The following RSPH14 variants were observed in gnomAD, a reference collection of about 807,000 sequenced individuals.
The protein encoded by RSPH14 is rhabdoid tumor deletion region gene 1.
A neutral mutation model predicts 26.7 loss-of-function variants in RSPH14; 20 were observed. The observed-to-expected ratio is 0.75, with a 90% CI of 0.53 to 1.09. The LOEUF (loss-of-function observed/expected upper bound fraction) is 1.09, where lower values mean the gene tolerates loss of function less well. RSPH14 is among the 50% of genes least tolerant of loss of function. The pLI is 0.00. For missense variants in RSPH14, 449 were observed against 457.2 expected (o/e 0.98, Z 0.16); for synonymous variants, 177 against 189.3 (o/e 0.93, Z 0.53).
rs370693635 is a variant in RSPH14 at position 23,080,115 on chromosome 22, ACTT to A, written c.422-15985_422-15983del. On this transcript the variant is annotated intron_variant, in intron 4 of 6. Coordinates refer to ENST00000216036, the MANE Select transcript of RSPH14 (RefSeq NM_014433.3). ...TGATTTGGCTCTTAATGAAGGCCCC[ACTT>A]CTTCTCTGCTGTCATGGCCACCCTC... Among the ~76,000 whole-genome samples the A allele has an allele frequency of 3.1e-3, 467 of 152,260 alleles. 3 individuals carry two copies. Among genetic ancestry groups the A allele is most frequent in the African/African-American group, 0.011 (441 of 41,544 alleles).
chr22:23,129,742 A>G (rs1001442834), intron 4 of RSPH14, among the ~76,000 whole-genome samples: 6 of 151,866 alleles, frequency 4.0e-5, no homozygotes, highest in African/African-American at 1.2e-4. Flanking sequence ...CAACATAGTG[A>G]AACCCCGTCT....
chr22:23,078,855 G>A (rs535253150), intron 4 of RSPH14, among the ~76,000 whole-genome samples: 14 of 152,326 alleles, frequency 9.2e-5, no homozygotes, highest in South Asian at 4.1e-4. Flanking sequence ...CCTGGCTCCC[G>A]GGCCTGAGGG....
the RSPH14 span, among the ~76,000 whole-genome samples, chr22:23,174,051 T>A: frequency 1.3e-5 from 2 of 151,768 alleles, no homozygotes; most frequent in Non-Finnish European, 2.9e-5. Flanking sequence ...ATGCTTTCCA[T>A]CCCCAGGGCT....
chr22:23,174,649 C>T, the RSPH14 span, among the ~76,000 whole-genome samples: 1 of 149,870 alleles, frequency 6.7e-6, no homozygotes, highest in African/African-American at 2.5e-5. Context: ...GTTTATGACA[C>T]TTCAATTATA....
intron 4 of RSPH14, among the ~76,000 whole-genome samples, chr22:23,066,148 G>T (rs1046081022): frequency 6.6e-6 from 1 of 152,180 alleles, no homozygotes; most frequent in African/African-American, 2.4e-5. Flanking sequence ...AAAGTTCTGG[G>T]ATGGGGACAC....
the RSPH14 span, chr22:23,159,129 G>A: frequency 1.4e-5 from 23 of 1,605,830 alleles, no homozygotes; most frequent in South Asian, 2.2e-5. Context: ...CAGGAGAGCC[G>A]GGACGCTGGG....
chr22:23,131,746 C>T (rs943050292), intron 4 of RSPH14: 20 of 710,626 alleles, frequency 2.8e-5, no homozygotes, highest in South Asian at 1.0e-4. Flanking sequence ...CACCCTAATA[C>T]CCCAGGGGCT....
At chr22:23,129,205 A>C (rs1286501008) in intron 4 of RSPH14, among the ~76,000 whole-genome samples, 2 of 152,106 alleles carry the variant, frequency 1.3e-5, no homozygotes, top group African/African-American at 4.8e-5. Context: ...GTACCCCCAG[A>C]ACAGATCTCC....
At chr22:23,089,171 G>A (rs1236172981) in intron 4 of RSPH14, among the ~76,000 whole-genome samples, 1 of 152,210 alleles carries the variant, frequency 6.6e-6, no homozygotes, top group African/African-American at 2.4e-5. Flanking sequence ...GCACAGTGAT[G>A]AGGGAGCTGG....
At chr22:23,083,124 A>G (rs546877951) in intron 4 of RSPH14, among the ~76,000 whole-genome samples, 2 of 152,294 alleles carry the variant, frequency 1.3e-5, no homozygotes, top group East Asian at 1.9e-4. Context: ...ACTGGAAACC[A>G]TACCAAAGGA....
chr22:23,080,654 G>A (rs1023079142), intron 4 of RSPH14, among the ~76,000 whole-genome samples: 28 of 152,346 alleles, frequency 1.8e-4, no homozygotes, highest in African/African-American at 6.3e-4. Flanking sequence ...CTGGGCCCTG[G>A]TTACTGTGGA....
At chr22:23,144,016 C>A (rs1046240346), upstream of RSPH14, among the ~76,000 whole-genome samples, 11 of 144,740 alleles carry the variant, frequency 7.6e-5, no homozygotes, top group African/African-American at 2.8e-4. Context: ...ATCGCTTGAG[C>A]CGGGAGGCGG....
rs191338653 is a variant in RSPH14 at position 23,061,860 on chromosome 22, C to G, written c.739G>C (p.Val247Leu). 6.2e-7 allele frequency: 1 copy of G among 1,614,168 alleles called. No homozygotes were observed. The highest frequency in any genetic ancestry group is 1.7e-5 in the Admixed American group (1 of 60,032). The change falls in exon 6 of 7, where the codon GTG (valine) becomes CTG (leucine). Residue 247 changes from valine (V) to leucine (L), a missense_variant. Val to Leu is a conservative substitution (Grantham distance 32). Transcript: ENST00000216036. Reference protein sequence around the residue: ...VHLLKDPVEHVKSNAAGALMF... With the variant: ...VHLLKDPVEHLKSNAAGALMF... Reference sequence around the variant, plus strand: ...AGGGCACCGGCAGCGTTAGACTTCACATGCTCCACTGGGTCTTTCAGCAGA... The same window carrying G: ...AGGGCACCGGCAGCGTTAGACTTCAGATGCTCCACTGGGTCTTTCAGCAGA...
the RSPH14 span, chr22:23,157,915 G>T: frequency 6.2e-7 from 1 of 1,601,496 alleles, no homozygotes; most frequent in Non-Finnish European, 8.5e-7. Flanking sequence ...TTCCTTGGGA[G>T]CTGGGCACCT....
At chr22:23,145,368 G>T, upstream of RSPH14, 1 of 1,606,000 alleles carries the variant, frequency 6.2e-7, no homozygotes. Context: ...TCGTTGCTAT[G>T]GTGATCGCCG....
chr22:23,112,444 A>G (rs2069682422), intron 4 of RSPH14, among the ~76,000 whole-genome samples: 1 of 152,094 alleles, frequency 6.6e-6, no homozygotes, highest in African/African-American at 2.4e-5. Flanking sequence ...AGGTGCGGGG[A>G]GCATGCCAGG....
At chr22:23,162,897 GT>G in the RSPH14 span, 1 of 344,290 alleles carries the variant, frequency 2.9e-6, no homozygotes, top group East Asian at 8.3e-5. Context: ...ATTTTTTGTA[GT>G]TTTTTATATA....
At chr22:23,108,765 C>T (rs2069556678) in intron 4 of RSPH14, among the ~76,000 whole-genome samples, 2 of 152,262 alleles carry the variant, frequency 1.3e-5, no homozygotes, top group African/African-American at 2.4e-5. Context: ...GTCAGCTCCA[C>T]CTGCTCTCTG....
intron 4 of RSPH14, chr22:23,124,711 G>C (rs897685651): frequency 8.6e-5 from 16 of 186,946 alleles, no homozygotes; most frequent in African/African-American, 3.6e-4. Context: ...TCCTGTGAAG[G>C]CACAGCCAGC....
Sources: allele counts gnomAD v4.1 joint callset (sites outside exome capture counted in the v4.1 genomes callset), GRCh38; gene constraint gnomAD v4.1.1; transcripts MANE v1.5; gene names NCBI Gene and HGNC (gene_info 2026-07-23, HGNC 2026-07-21).